Variants in SPAM1 observed in about 807,000 individuals in gnomAD.
SPAM1 encodes the protein sperm adhesion molecule 1, also known as hyaluronidase PH-20.
A neutral mutation model predicts 29.6 loss-of-function variants in SPAM1; 22 were observed. The ratio of observed to expected loss-of-function variants is 0.74; its 90% CI spans 0.53 to 1.06. The LOEUF (loss-of-function observed/expected upper bound fraction) is 1.06. Ranked by LOEUF, SPAM1 falls within the 50% of genes least tolerant of loss-of-function variation. The pLI is 0.00. For missense variants in SPAM1, 534 were observed against 604.0 expected, an observed-to-expected ratio of 0.88 and a Z score of 1.21; for synonymous variants, 194 against 204.6, an observed-to-expected ratio of 0.95 and a Z score of 0.44.
At chr7:123,931,843 C>A (rs952043710) in intron 1 of SPAM1, among the ~76,000 whole-genome samples, 7 of 152,090 alleles carry the variant, frequency 4.6e-5, no homozygotes, top group Non-Finnish European at 8.8e-5. Context: ...GATCTCAGAA[C>A]ATAAAAAGCG....
Position 123,953,791 on chromosome 7 carries a change from C to G in SPAM1, c.221C>G (p.Ser74Cys), listed in dbSNP as rs201367608. The G allele has an allele frequency of 1.2e-6, 2 of 1,612,472 alleles. No homozygotes were observed. The highest frequency in any genetic ancestry group is 1.7e-6 in the Non-Finnish European group (2 of 1,179,408). Residue 74 changes from serine to cysteine, a missense_variant, in exon 3 of 5, where the codon TCT (serine) becomes TGT (cysteine). Ser to Cys is a moderately radical substitution (Grantham distance 112). Transcript: ENST00000682466. ...FDEPLDMSLF[S>C]FIGSPRINAT... ...GAGCCACTAGATATGAGCCTCTTCTCTTTCATAGGAAGCCCCCGAATAAAC... is the reference window on the plus strand; with the variant it reads ...GAGCCACTAGATATGAGCCTCTTCTGTTTCATAGGAAGCCCCCGAATAAAC...
At chr7:123,926,334 C>T (rs762017046) in intron 1 of SPAM1, among the ~76,000 whole-genome samples, 5 of 152,254 alleles carry the variant, frequency 3.3e-5, no homozygotes, top group East Asian at 1.9e-4. Flanking sequence ...GAAAAAGGCA[C>T]GGACCACAGA....
At chr7:123,934,015 C>T (rs1808173028) in intron 1 of SPAM1, among the ~76,000 whole-genome samples, 1 of 152,124 alleles carries the variant, frequency 6.6e-6, no homozygotes, top group South Asian at 2.1e-4. Context: ...TGAATACCTA[C>T]CATTGTGTTA....
downstream of SPAM1, among the ~76,000 whole-genome samples, chr7:123,963,544 A>G (rs1792386921): frequency 6.6e-6 from 1 of 151,872 alleles, no homozygotes; most frequent in African/African-American, 2.4e-5. Context: ...GTCTATGATA[A>G]TCATCATTAT....
In SPAM1 at chr7:123,929,233, C is replaced by G. The variant is rs1807991458; in HGVS notation, c.-319+3881C>G. ...TCTGAGTGTACTTTTCAACCTTAGA[C>G]CAATTCACCTTGGTAGGAAAGGTCT... is the stretch of plus-strand genomic sequence containing the variant. On this transcript the variant is annotated intron_variant, in intron 1 of 4. Transcript: ENST00000682466. 2.6e-5 allele frequency among the ~76,000 whole-genome samples: 4 copies of G among 152,126 alleles called. No individual in the cohort carries two copies. In the South Asian group the frequency reaches 8.3e-4, roughly 31 times the overall value.
rs116477453 is a variant in SPAM1 at position 123,931,370 on chromosome 7, A to T, written c.-319+6018A>T. 8.8e-3 allele frequency among the ~76,000 whole-genome samples: 1,341 copies of T among 152,312 alleles called. 27 individuals carry two copies. The highest frequency in any genetic ancestry group is 0.031 in the African/African-American group (1,268 of 41,568). On this transcript the variant is annotated intron_variant, in intron 1 of 4. Coordinates refer to ENST00000682466, the MANE Select transcript of SPAM1 (RefSeq NM_153189.3). ...TATAAAAACAGGCCATAAAGAAATTATGTGACCTACCTTGTTTGACTGTAG... is the reference window on the plus strand; with the variant it reads ...TATAAAAACAGGCCATAAAGAAATTTTGTGACCTACCTTGTTTGACTGTAG...
chr7:123,954,250 A>G lies in SPAM1; in HGVS notation c.680A>G (p.His227Arg). 6.2e-7 allele frequency: 1 copy of G among 1,613,254 alleles called. No homozygotes were observed. The highest frequency in any genetic ancestry group is 2.2e-5 in the East Asian group (1 of 44,850). Residue 227 changes from histidine to arginine, a missense_variant, in exon 3 of 5, where the codon CAT (histidine) becomes CGT (arginine). Transcript: ENST00000682466. Reference sequence around the variant, plus strand: ...TATCTTTTTCCGGATTGTTACAACCATCACTATAAGAAACCCGGTTACAAT... The same window carrying G: ...TATCTTTTTCCGGATTGTTACAACCGTCACTATAAGAAACCCGGTTACAAT... ...GYYLFPDCYNHHYKKPGYNGS... is the reference protein window; with the variant it reads ...GYYLFPDCYNRHYKKPGYNGS...
intron 1 of SPAM1, among the ~76,000 whole-genome samples, chr7:123,937,365 G>T (rs187820733): frequency 2.2e-4 from 33 of 152,254 alleles, no homozygotes; most frequent in African/African-American, 7.2e-4. Context: ...ATTTTGGGAG[G>T]CCAAGGCGGG....
intron 5 of SPAM1, among the ~76,000 whole-genome samples, chr7:123,969,547 C>T (rs1792470652): frequency 1.3e-5 from 2 of 152,014 alleles, no homozygotes; most frequent in South Asian, 4.1e-4. Context: ...AAAAGGGTGT[C>T]TTTTCCCCAA....
At chr7:123,964,574 G>T (rs1792398996), downstream of SPAM1, among the ~76,000 whole-genome samples, 1 of 151,746 alleles carries the variant, frequency 6.6e-6, no homozygotes, top group South Asian at 2.1e-4. Context: ...GCTTAGGCTG[G>T]GATGCACTAG....
rs982867194 is a variant in SPAM1 at position 123,949,897 on chromosome 7, T to C, written c.-293T>C. On this transcript the variant is annotated 5_prime_UTR_variant, in exon 2 of 5. An upstream open reading frame in the 5' UTR loses its in-frame stop. Coordinates refer to ENST00000682466, the MANE Select transcript of SPAM1 (RefSeq NM_153189.3). ...GGATGCTAATGACTAGCCAATGCTC[T>C]AGGAAGACATTGAGACCAGCCAACT... is the stretch of plus-strand genomic sequence containing the variant. 1.3e-5 allele frequency: 2 copies of C among 151,876 alleles called. No homozygotes were observed. Among genetic ancestry groups the C allele is most frequent in the Admixed American group, 6.6e-5 (1 of 15,210 alleles). 9.4% of individuals were successfully genotyped at this position (151,876 alleles called of 1,614,324 possible).
In SPAM1 at chr7:123,959,701, C is replaced by T. The variant is rs139557990; in HGVS notation, c.1262C>T (p.Pro421Leu). The T allele has an allele frequency of 1.4e-3, 2,313 of 1,613,064 alleles. 5 individuals are homozygous for T. Among genetic ancestry groups the T allele is most frequent in the Non-Finnish European group, 1.8e-3 (2,082 of 1,179,558 alleles). ...GGAAAGTTCACAGTACGTGGAAAACCGACACTTGAAGACCTGGAGCAATTT... is the reference window on the plus strand; with the variant it reads ...GGAAAGTTCACAGTACGTGGAAAACTGACACTTGAAGACCTGGAGCAATTT... ...KGGKFTVRGK[P>L]TLEDLEQFSE... The change falls in exon 5 of 5, where the codon CCG becomes CTG. Residue 421 changes from proline (P) to leucine (L), a missense_variant. Coordinates refer to ENST00000682466, the MANE Select transcript of SPAM1 (RefSeq NM_153189.3).
At chr7:123,936,732 T>A (rs377014606) in intron 1 of SPAM1, among the ~76,000 whole-genome samples, 227 of 152,286 alleles carry the variant, frequency 1.5e-3, no homozygotes, top group African/African-American at 5.2e-3. Flanking sequence ...CTAAATAGAT[T>A]TTAGCTAGAG....
At chr7:123,928,363 G>A (rs980006268) in intron 1 of SPAM1, among the ~76,000 whole-genome samples, 2 of 152,108 alleles carry the variant, frequency 1.3e-5, no homozygotes, top group African/African-American at 4.8e-5. Flanking sequence ...AGGGAAGGTA[G>A]GAAGCTTGAG....
Position 123,929,895 on chromosome 7 carries a change from A to ATTTTTTTTTTTTTT in SPAM1, c.-319+4550_-319+4563dup, listed in dbSNP as rs71163712. Reference sequence around the variant, plus strand: ...AAAGAAGGAAGCTGGGTGTTTAGGGATTTTTTTTTTTTTTTTTTTTGAGGA... The same window carrying ATTTTTTTTTTTTTT: ...AAAGAAGGAAGCTGGGTGTTTAGGGATTTTTTTTTTTTTTTTTTTTTTTTTTTTTTTTTTGAGGA... On this transcript the variant is annotated intron_variant, in intron 1 of 4. Transcript: ENST00000682466. Among the ~76,000 whole-genome samples, 138 of 119,778 alleles carry ATTTTTTTTTTTTTT rather than the reference A, an allele frequency of 1.2e-3. 3 individuals are homozygous for ATTTTTTTTTTTTTT. Among genetic ancestry groups the ATTTTTTTTTTTTTT allele is most frequent in the Non-Finnish European group, 1.4e-3 (81 of 57,154 alleles). 78.6% of individuals were successfully genotyped at this position (119,778 alleles called of 152,430 possible).
chr7:123,952,867 T>G (rs1271422762), intron 2 of SPAM1, among the ~76,000 whole-genome samples: 1 of 146,594 alleles, frequency 6.8e-6, no homozygotes, highest in Non-Finnish European at 1.5e-5. Flanking sequence ...TTACTACTTC[T>G]GGCAGAAGTG....
intron 1 of SPAM1, among the ~76,000 whole-genome samples, chr7:123,937,473 C>T (rs180986521): frequency 0.032 from 4,892 of 151,590 alleles, 253 homozygotes; most frequent in African/African-American, 0.11. Flanking sequence ...TGGTGGCGGG[C>T]GCCTGTAGTC....
intron 5 of SPAM1, among the ~76,000 whole-genome samples, chr7:123,967,052 A>G (rs1792434409): frequency 6.6e-6 from 1 of 152,000 alleles, no homozygotes; most frequent in Admixed American, 6.6e-5. Flanking sequence ...GAAAAGAGGA[A>G]GCTTAGGTTA....
chr7:123,947,571 TA>T (rs1808618532), intron 1 of SPAM1: 1 of 111,360 alleles, frequency 9.0e-6, no homozygotes, highest in African/African-American at 3.5e-5. Context: ...TTGCTGAGAT[TA>T]AAACACCACA....
Sources: gnomAD v4.1 joint callset for allele counts (sites outside exome capture counted in the v4.1 genomes callset) on GRCh38, gnomAD v4.1.1 for gene constraint, MANE v1.5 for transcripts, NCBI Gene and HGNC (gene_info 2026-07-23, HGNC 2026-07-21) for gene names.